The following SLC25A21 variants were observed in gnomAD, a reference collection of about 807,000 sequenced individuals.
SLC25A21 encodes the protein solute carrier family 25 member 21, also known as mitochondrial 2-oxodicarboxylate carrier.
SLC25A21 carries 47 observed loss-of-function variants against 43.8 expected under a neutral mutation model. The ratio of observed to expected loss-of-function variants is 1.07; its 90% CI spans 0.85 to 1.37. The LOEUF is 1.37. Among genes scored for constraint, SLC25A21 ranks in the 40% most tolerant of loss-of-function variants. The pLI is 0.00. For synonymous variants in SLC25A21, 131 were observed against 121.3 expected (o/e 1.08, Z -0.52); for missense variants, 352 against 350.2 (o/e 1.00, Z -0.04).
intron 1 of SLC25A21, among the ~76,000 whole-genome samples, chr14:37,089,147 GTA>G (rs1962537418): frequency 6.6e-6 from 1 of 151,792 alleles, no homozygotes. Context: ...TCTTCCTGTG[GTA>G]TTTTATGTGC....
chr14:37,023,795 C>T (rs948337345), intron 1 of SLC25A21, among the ~76,000 whole-genome samples: 9 of 151,896 alleles, frequency 5.9e-5, no homozygotes, highest in Non-Finnish European at 1.2e-4. Context: ...GTCTCCCCAC[C>T]GCCATCTGCC....
chr14:37,060,105 A>G (rs1372446387), intron 1 of SLC25A21, among the ~76,000 whole-genome samples: 1 of 151,898 alleles, frequency 6.6e-6, no homozygotes, highest in Admixed American at 6.6e-5. Flanking sequence ...CCTAGCCCCC[A>G]GTGTGACGGT....
At chr14:36,703,611 G>C in intron 7 of SLC25A21, among the ~76,000 whole-genome samples, 1 of 152,090 alleles carries the variant, frequency 6.6e-6, no homozygotes, top group Admixed American at 6.5e-5. Flanking sequence ...TCCTTAATTA[G>C]GATGCAAACT....
At chr14:37,165,604 A>T (rs569925821) in intron 1 of SLC25A21, among the ~76,000 whole-genome samples, 1 of 152,228 alleles carries the variant, frequency 6.6e-6, no homozygotes, top group South Asian at 2.1e-4. Context: ...GCCACTATGG[A>T]AGAAAATTCA....
At chr14:36,819,645 T>A (rs1383157237) in intron 2 of SLC25A21, among the ~76,000 whole-genome samples, 1 of 152,224 alleles carries the variant, frequency 6.6e-6, no homozygotes, top group African/African-American at 2.4e-5. Flanking sequence ...TGCAGTGCCT[T>A]TATTTCCAAA....
chr14:36,931,226 T>C (rs1293917795), intron 1 of SLC25A21, among the ~76,000 whole-genome samples: 1 of 152,154 alleles, frequency 6.6e-6, no homozygotes, highest in Non-Finnish European at 1.5e-5. Context: ...TGAAAAATCA[T>C]AAATATCACT....
intron 6 of SLC25A21, chr14:36,725,059 G>A (rs1211877889): frequency 1.3e-5 from 2 of 152,234 alleles, no homozygotes; most frequent in African/African-American, 4.8e-5. Flanking sequence ...GTGCATTTTT[G>A]TTAACACTTT....
At chr14:36,682,285 C>G (rs1323535488) in intron 9 of SLC25A21, among the ~76,000 whole-genome samples, 1 of 151,770 alleles carries the variant, frequency 6.6e-6, no homozygotes, top group African/African-American at 2.4e-5. Flanking sequence ...GCTTTGAAGT[C>G]GCTGGGATGC....
chr14:36,678,518 CA>C lies in SLC25A21; in HGVS notation c.*2139del. On this transcript the variant is annotated 3_prime_UTR_variant, in exon 10 of 10. Coordinates refer to ENST00000331299, the MANE Select transcript of SLC25A21 (RefSeq NM_030631.4). ...AAAATAGACTATAAACTGAATGGAA[CA>C]AAGATCCAATCCAATATTTTGGTGG... is the stretch of plus-strand genomic sequence containing the variant. 1 of 1,536,916 alleles carries C rather than the reference CA, an allele frequency of 6.5e-7. No individual in the cohort carries two copies. Among genetic ancestry groups the C allele is most frequent in the Middle Eastern group, 1.7e-4 (1 of 5,988 alleles).
At chr14:37,103,790 T>A (rs1311756748) in intron 1 of SLC25A21, among the ~76,000 whole-genome samples, 1 of 152,162 alleles carries the variant, frequency 6.6e-6, no homozygotes, top group Non-Finnish European at 1.5e-5. Flanking sequence ...ACAGACAACA[T>A]CCAGTCACTT....
intron 4 of SLC25A21, 74 bp downstream of exon 4, chr14:36,734,433 G>A: frequency 9.8e-7 from 1 of 1,023,180 alleles, no homozygotes; most frequent in Non-Finnish European, 1.4e-6. Flanking sequence ...TCATTTTAAT[G>A]TCTTAAGAGT....
chr14:36,833,802 G>A (rs1252780148), intron 2 of SLC25A21, among the ~76,000 whole-genome samples: 1 of 152,214 alleles, frequency 6.6e-6, no homozygotes, highest in African/African-American at 2.4e-5. Flanking sequence ...GGATATATGC[G>A]GGTACAGCTG....
At chr14:36,947,874 C>T (rs144776673) in intron 1 of SLC25A21, among the ~76,000 whole-genome samples, 4 of 152,152 alleles carry the variant, frequency 2.6e-5, no homozygotes, top group Middle Eastern at 3.4e-3. Context: ...AGGTATTGCA[C>T]CCAAAACACA....
chr14:37,166,042 C>T (rs546014861), intron 1 of SLC25A21, among the ~76,000 whole-genome samples: 20 of 152,258 alleles, frequency 1.3e-4, no homozygotes, highest in Middle Eastern at 3.4e-3. Flanking sequence ...TTCTGTCAGA[C>T]CTTATGTCAA....
intron 1 of SLC25A21, among the ~76,000 whole-genome samples, chr14:37,129,070 T>C (rs965550532): frequency 1.3e-5 from 2 of 152,136 alleles, no homozygotes; most frequent in African/African-American, 4.8e-5. Flanking sequence ...CAGTAGCTAC[T>C]GTATCGAACA....
At position 36,721,277 on chromosome 14, in the gene SLC25A21, C is replaced by T. The variant is rs113887574; in HGVS notation, c.438+4293G>A. 4.0e-3 allele frequency among the ~76,000 whole-genome samples: 613 copies of T among 152,304 alleles called. 2 individuals are homozygous for T. Among genetic ancestry groups the T allele is most frequent in the Middle Eastern group, 0.017 (5 of 294 alleles). On this transcript the variant is annotated intron_variant, in intron 6 of 9. Coordinates refer to ENST00000331299, the MANE Select transcript of SLC25A21 (RefSeq NM_030631.4). The stretch of plus-strand genomic sequence containing the variant: ...ATACTGACAGCTTTATATAGTCTCA[C>T]TTAACCCTCATTTGACTGTTTGACA...
At chr14:36,839,449 G>T (rs1240264923) in intron 2 of SLC25A21, among the ~76,000 whole-genome samples, 4 of 152,160 alleles carry the variant, frequency 2.6e-5, no homozygotes, top group Non-Finnish European at 5.9e-5. Flanking sequence ...GGGCAAAAGG[G>T]ACTAAATTAA....
At chr14:36,955,303 G>T (rs1828968856) in intron 1 of SLC25A21, among the ~76,000 whole-genome samples, 1 of 152,182 alleles carries the variant, frequency 6.6e-6, no homozygotes, top group Non-Finnish European at 1.5e-5. Flanking sequence ...CATTATGAAA[G>T]AAAGAATTTA....
chr14:37,075,814 G>A (rs371066686), intron 1 of SLC25A21, among the ~76,000 whole-genome samples: 14 of 152,200 alleles, frequency 9.2e-5, no homozygotes, highest in African/African-American at 2.9e-4. Flanking sequence ...GGTTTATGTC[G>A]TTGATATGAA....
Sources: gnomAD v4.1 joint callset for allele counts (sites outside exome capture counted in the v4.1 genomes callset) on GRCh38, gnomAD v4.1.1 for gene constraint, MANE v1.5 for transcripts, NCBI Gene and HGNC (gene_info 2026-07-23, HGNC 2026-07-21) for gene names.